DSTYK: variants seen among roughly 807,000 people sequenced by gnomAD.
DSTYK encodes the protein dual serine/threonine and tyrosine protein kinase, also known as RIP-homologous kinase.
A neutral mutation model predicts 98.7 loss-of-function variants in DSTYK; 34 were observed. The observed-to-expected ratio is 0.34, with a 90% confidence interval of 0.26 to 0.46. The LOEUF (loss-of-function observed/expected upper bound fraction) is 0.46. DSTYK is among the 20% of genes least tolerant of loss of function. The probability of loss-of-function intolerance (pLI) is 1.00; values close to 1 mark genes in which losing one functional copy is unlikely to be tolerated. For missense variants in DSTYK, 962 were observed against 1,181.7 expected (o/e 0.81, Z 2.73); for synonymous variants, 462 against 457.3 (o/e 1.01, Z -0.13).
In DSTYK at chr1:205,157,210, A is replaced by G. The variant is rs530009276; in HGVS notation, c.2352+63T>C. The stretch of plus-strand genomic sequence containing the variant: ...TAGGATCTAACTTACATTTACATGT[A>G]CCCTCCAAAATCACTCAGCCACAGA... On this transcript the variant is annotated intron_variant, in intron 10 of 12. Coordinates refer to ENST00000367162, the MANE Select transcript of DSTYK (RefSeq NM_015375.3). 1.8e-3 allele frequency: 2,569 copies of G among 1,396,220 alleles called. 5 individuals are homozygous for G. Among genetic ancestry groups the G allele is most frequent in the Non-Finnish European group, 2.3e-3 (2,279 of 985,360 alleles). The allele number at this position is 1,396,220 out of a possible 1,614,324, so 86.5% of individuals were successfully genotyped here.
chr1:205,149,400 A>G (rs754510232), intron 11 of DSTYK, among the ~76,000 whole-genome samples: 19 of 152,138 alleles, frequency 1.2e-4, no homozygotes, highest in Non-Finnish European at 2.2e-4. Flanking sequence ...TACCAATACT[A>G]ATGACTGACC....
At chr1:205,189,123 CA>C (rs1362979646) in intron 1 of DSTYK, among the ~76,000 whole-genome samples, 1 of 146,516 alleles carries the variant, frequency 6.8e-6, no homozygotes, top group Non-Finnish European at 1.5e-5. Flanking sequence ...ACGTTTTGTA[CA>C]AAAAAAATAA....
chr1:205,143,604 C>G lies in DSTYK; in HGVS notation c.*3954G>C, dbSNP rs769495735. The stretch of plus-strand genomic sequence containing the variant: ...GGGGCTTTAACTTCCCAAAGTGCTA[C>G]TGTAATCACCAATTCCCCTGGGCCT... On this transcript the variant is annotated 3_prime_UTR_variant, in exon 13 of 13. Coordinates refer to ENST00000367162, the MANE Select transcript of DSTYK (RefSeq NM_015375.3). The G allele has an allele frequency of 1.3e-5, 2 of 152,600 alleles. No homozygotes were observed. Among genetic ancestry groups the G allele is most frequent in the African/African-American group, 2.4e-5 (1 of 41,434 alleles). The allele number at this position is 152,600 out of a possible 1,614,324, so 9.5% of individuals were successfully genotyped here. A position where few individuals can be genotyped will look rare whatever the true frequency, so the allele number is the denominator to read the frequency against.
chr1:205,169,649 T>C lies in DSTYK; in HGVS notation c.838A>G (p.Lys280Glu), dbSNP rs768967753. The change falls in exon 3 of 13, where the codon AAA becomes GAA. Residue 280 changes from lysine to glutamate, a missense_variant. Coordinates refer to ENST00000367162, the MANE Select transcript of DSTYK (RefSeq NM_015375.3). This position sits in a 1 kb window ranked among gnomAD's most constrained non-coding sequence, Gnocchi z 4.0. Reference protein sequence around the residue: ...KYFSFPVFFFKVPKLGSEIID... With the variant: ...KYFSFPVFFFEVPKLGSEIID... Reference sequence around the variant, plus strand: ...ATCTCCGAGCCCAGTTTCGGCACTTTGAAAAAGAATACAGGAAAGGAGAAA... The same window carrying C: ...ATCTCCGAGCCCAGTTTCGGCACTTCGAAAAAGAATACAGGAAAGGAGAAA... The C allele has an allele frequency of 2.5e-6, 4 of 1,614,226 alleles. No homozygotes were observed. The highest frequency in any genetic ancestry group is 2.2e-5 in the South Asian group (2 of 91,080).
At chr1:205,167,662 AG>A (rs1231329507) in intron 3 of DSTYK, among the ~76,000 whole-genome samples, 1 of 152,218 alleles carries the variant, frequency 6.6e-6, no homozygotes, top group Non-Finnish European at 1.5e-5. Context: ...AGGCTTTGGG[AG>A]GTCTTTAATA....
In DSTYK at chr1:205,211,404, G is replaced by T; in HGVS notation, c.132C>A (p.Asn44Lys). Residue 44 changes from asparagine to lysine, a missense_variant, in exon 1 of 13, where the codon AAC becomes AAA. Physicochemically the swap from Asn to Lys is moderately conservative, Grantham distance 94. Transcript: ENST00000367162. ...YRRYLGRLRQ[N>K]LRETQKFFRD... ...GGAAGAACTTCTGGGTCTCGCGCAG[G>T]TTCTGTCGCAGCCGTCCCAGGTAGC... 1 of 1,611,320 alleles carries T rather than the reference G, an allele frequency of 6.2e-7. No individual in the cohort carries two copies.
Position 205,163,982 on chromosome 1 carries a change from T to A in DSTYK, c.1325-27A>T, listed in dbSNP as rs1302021081. 3 of 1,595,028 alleles carry A rather than the reference T, an allele frequency of 1.9e-6. No homozygotes were observed. The East Asian group carries it at 6.7e-5, about 36-fold the overall frequency. ...TATGGAGGCAGAGAAATAAGCTGAA[T>A]AGTTGTGAGGAAGAAGGGGCAGACA... On this transcript the variant is annotated intron_variant, in intron 3 of 12. Transcript: ENST00000367162.
intron 2 of DSTYK, among the ~76,000 whole-genome samples, chr1:205,187,046 A>G (rs1394226638): frequency 3.3e-5 from 5 of 152,244 alleles, no homozygotes; most frequent in African/African-American, 1.2e-4. Context: ...GAAAGAGGTA[A>G]CTAGAGACAA....
chr1:205,210,074 A>G (rs1659326951), intron 1 of DSTYK, among the ~76,000 whole-genome samples: 1 of 151,768 alleles, frequency 6.6e-6, no homozygotes, highest in Non-Finnish European at 1.5e-5. Context: ...CTAGTTTCTT[A>G]TATTTTTGGT....
At chr1:205,170,611 C>A (rs192284467) in intron 2 of DSTYK, among the ~76,000 whole-genome samples, 7 of 152,058 alleles carry the variant, frequency 4.6e-5, no homozygotes, top group African/African-American at 1.2e-4. Flanking sequence ...GTAGATATCC[C>A]GAAGTCTTAG....
chr1:205,181,732 G>T (rs1393142941), intron 2 of DSTYK, among the ~76,000 whole-genome samples: 1 of 149,760 alleles, frequency 6.7e-6, no homozygotes, highest in Non-Finnish European at 1.5e-5. Context: ...TTGAGATAGG[G>T]TCTCACTCTG....
At chr1:205,161,999 G>T in intron 6 of DSTYK, 37 bp downstream of exon 6, 1 of 1,593,552 alleles carries the variant, frequency 6.3e-7, no homozygotes, top group Non-Finnish European at 8.6e-7. Flanking sequence ...GCTCTTCTCT[G>T]CTTGATCCAG....
At chr1:205,196,758 ATT>A (rs113524415) in intron 1 of DSTYK, among the ~76,000 whole-genome samples, 9 of 109,856 alleles carry the variant, frequency 8.2e-5, no homozygotes, top group African/African-American at 1.1e-4. Flanking sequence ...AAAATGGTGA[ATT>A]TTTTTTTTTT....
intron 1 of DSTYK, among the ~76,000 whole-genome samples, chr1:205,196,216 T>C (rs1198651433): frequency 6.6e-6 from 1 of 152,166 alleles, no homozygotes; most frequent in Non-Finnish European, 1.5e-5. Context: ...AAGCTCTTCT[T>C]TACAGTAGAC....
intron 10 of DSTYK, among the ~76,000 whole-genome samples, chr1:205,152,084 G>A (rs1015636222): frequency 6.6e-6 from 1 of 152,022 alleles, no homozygotes; most frequent in Admixed American, 6.6e-5. Flanking sequence ...AGGTTTACAC[G>A]AGCATCACAT....
In DSTYK at chr1:205,169,718, G is replaced by C. The variant is rs1256596723; in HGVS notation, c.769C>G (p.Leu257Val). The C allele has an allele frequency of 6.2e-7, 1 of 1,614,242 alleles. No homozygotes were observed. The highest frequency in any genetic ancestry group is 1.1e-5 in the South Asian group (1 of 91,084). Reference sequence around the variant, plus strand: ...AGCTCTTGCTCATCCCTCTCAGAGAGTTCATCTTTGTGGAGTGCATAGGTT... The same window carrying C: ...AGCTCTTGCTCATCCCTCTCAGAGACTTCATCTTTGTGGAGTGCATAGGTT... The part of the protein sequence containing the change: ...VITYALHKDE[L>V]SERDEQELQE... Residue 257 changes from leucine to valine, a missense_variant, in exon 3 of 13, where the codon CTC (leucine) becomes GTC (valine). Physicochemically the swap from Leu to Val is conservative, Grantham distance 32 (BLOSUM62 1). Around this residue, in one of 4 missense-constraint regions of DSTYK, gnomAD observed 660 missense variants for 855.0 expected, o/e 0.77. Coordinates refer to ENST00000367162, the MANE Select transcript of DSTYK (RefSeq NM_015375.3). This position sits in a 1 kb window ranked among gnomAD's most constrained non-coding sequence, Gnocchi z 4.0.
At chr1:205,193,819 C>T (rs867671542) in intron 1 of DSTYK, among the ~76,000 whole-genome samples, 2 of 149,614 alleles carry the variant, frequency 1.3e-5, no homozygotes, top group Admixed American at 6.7e-5. Context: ...TGCAGTGAGC[C>T]GAGATAGTGC....
Position 205,160,119 on chromosome 1 carries a change from A to G in DSTYK, c.2100T>C (p.Tyr700=). 6.2e-7 allele frequency: 1 copy of G among 1,614,142 alleles called. No individual in the cohort carries two copies. Among genetic ancestry groups the G allele is most frequent in the Non-Finnish European group, 8.5e-7 (1 of 1,179,996 alleles). The change falls in exon 8 of 13, where the codon TAT becomes TAC. Residue 700 remains tyrosine, a synonymous_variant. Transcript: ENST00000367162. ...HWNDLALEFH[Y]MRSLPKHERL... The stretch of plus-strand genomic sequence containing the variant: ...TGAATGAGGCCAGGACCCACCTCAT[A>G]TAGTGAAATTCCAAAGCCAGATCAT...
chr1:205,178,821 C>A (rs1658310674), intron 2 of DSTYK, among the ~76,000 whole-genome samples: 2 of 152,098 alleles, frequency 1.3e-5, no homozygotes, highest in South Asian at 2.1e-4. Context: ...CTCACTTTAG[C>A]CTCATACCAA....
Sources: allele counts gnomAD v4.1 joint callset (sites outside exome capture counted in the v4.1 genomes callset), GRCh38; gene constraint gnomAD v4.1.1; regional missense constraint gnomAD v4.1.1; non-coding constraint Gnocchi (gnomAD v3.1); transcripts MANE v1.5; gene names NCBI Gene and HGNC (gene_info 2026-07-23, HGNC 2026-07-21).